FRMD5: variants seen among roughly 807,000 people sequenced by gnomAD.
FRMD5 encodes FERM domain-containing protein 5.
FRMD5 carries 20 observed loss-of-function variants against 69.0 expected under a neutral mutation model. The observed-to-expected ratio is 0.29, with a 90% CI of 0.20 to 0.42. The LOEUF is 0.42. Ranked by LOEUF, FRMD5 falls within the 10% of genes least tolerant of loss-of-function variation. The pLI is 1.00. For synonymous variants in FRMD5, 271 were observed against 260.1 expected, an observed-to-expected ratio of 1.04 and a Z score of -0.40; for missense variants, 595 against 708.6, an observed-to-expected ratio of 0.84 and a Z score of 1.82.
chr15:44,005,048 C>T (rs1890375256), intron 1 of FRMD5, among the ~76,000 whole-genome samples: 1 of 152,222 alleles, frequency 6.6e-6, no homozygotes, highest in African/African-American at 2.4e-5. Flanking sequence ...AAATCCAGAG[C>T]AAGGCCTTAC....
At chr15:43,976,975 T>C (rs938679950) in intron 1 of FRMD5, among the ~76,000 whole-genome samples, 8 of 152,020 alleles carry the variant, frequency 5.3e-5, no homozygotes, top group African/African-American at 1.9e-4. Context: ...GGATTACAGG[T>C]GCATGCCACC....
intron 1 of FRMD5, among the ~76,000 whole-genome samples, chr15:44,009,093 T>G (rs8033798): frequency 0.013 from 1,996 of 152,324 alleles, 53 homozygotes; most frequent in African/African-American, 0.046. Flanking sequence ...TCCCATCATC[T>G]TATCTTAGTT....
intron 1 of FRMD5, among the ~76,000 whole-genome samples, chr15:44,155,663 G>A (rs978397677): frequency 1.3e-5 from 2 of 151,354 alleles, no homozygotes; most frequent in East Asian, 2.0e-4. Flanking sequence ...GCACCATCTC[G>A]GCTCACTGCA....
At chr15:43,961,113 G>A (rs1046159339) in intron 1 of FRMD5, among the ~76,000 whole-genome samples, 1 of 152,068 alleles carries the variant, frequency 6.6e-6, no homozygotes, top group Admixed American at 6.5e-5. Flanking sequence ...ATGAATCCAG[G>A]AGCTGGTTTT....
intron 1 of FRMD5, among the ~76,000 whole-genome samples, chr15:44,106,118 C>T (rs918667143): frequency 4.6e-5 from 7 of 151,936 alleles, no homozygotes; most frequent in South Asian, 2.1e-4. Context: ...CATGGCTGTA[C>T]GATGTTTTAA....
intron 1 of FRMD5, among the ~76,000 whole-genome samples, chr15:43,924,601 A>G (rs1359516830): frequency 1.3e-5 from 2 of 152,134 alleles, no homozygotes; most frequent in East Asian, 3.9e-4. Flanking sequence ...GCTTTCTTAA[A>G]CTGTGGGTGT....
At chr15:44,086,006 T>C (rs1894183342) in intron 1 of FRMD5, among the ~76,000 whole-genome samples, 1 of 152,136 alleles carries the variant, frequency 6.6e-6, no homozygotes. Flanking sequence ...TATTATCTCC[T>C]GTCATATTCA....
intron 1 of FRMD5, among the ~76,000 whole-genome samples, chr15:44,087,825 TA>T: frequency 6.6e-6 from 1 of 152,074 alleles, no homozygotes; most frequent in African/African-American, 2.4e-5. Flanking sequence ...CATTTAGGAA[TA>T]AAATTTGGTG....
At chr15:43,971,504 C>A (rs192424400) in intron 1 of FRMD5, among the ~76,000 whole-genome samples, 1 of 150,234 alleles carries the variant, frequency 6.7e-6, no homozygotes, top group African/African-American at 2.4e-5. Context: ...ATCAAGATGG[C>A]GAAACCCCAT....
intron 1 of FRMD5, among the ~76,000 whole-genome samples, chr15:44,172,179 C>G (rs2140532240): frequency 6.6e-6 from 1 of 152,130 alleles, no homozygotes; most frequent in Non-Finnish European, 1.5e-5. Context: ...CAGCCTCGAC[C>G]TCCTGGGCTC....
chr15:43,873,900 C>T lies in FRMD5; in HGVS notation c.1698G>A (p.Leu566=), dbSNP rs753488164. The T allele has an allele frequency of 1.9e-6, 3 of 1,613,876 alleles. No individual in the cohort carries two copies. The highest frequency in any genetic ancestry group is 1.7e-5 in the Admixed American group (1 of 60,024). ...FACKIRSVVS[L]LIDT is the part of the protein sequence containing the mutation. The stretch of plus-strand genomic sequence containing the variant: ...TCATGCCTTCTCAGGTGTCAATGAG[C>T]AGGCTCACCACTGAGCGGATTTTGC... The change falls in exon 14 of 14, where the codon CTG becomes CTA. Residue 566 remains leucine (L), a synonymous_variant. Transcript: ENST00000417257.
intron 1 of FRMD5, among the ~76,000 whole-genome samples, chr15:44,105,060 A>G (rs1416330722): frequency 6.6e-6 from 1 of 151,030 alleles, no homozygotes; most frequent in African/African-American, 2.4e-5. Flanking sequence ...ATGGTAGTAA[A>G]GAGCCTATAT....
intron 1 of FRMD5, among the ~76,000 whole-genome samples, chr15:44,148,985 C>T (rs1260932891): frequency 6.6e-6 from 1 of 152,006 alleles, no homozygotes; most frequent in Admixed American, 6.6e-5. Context: ...AATTATTAGT[C>T]TAAAAACTAA....
intron 1 of FRMD5, among the ~76,000 whole-genome samples, chr15:44,092,612 A>G (rs1395547208): frequency 6.6e-6 from 1 of 152,182 alleles, no homozygotes; most frequent in African/African-American, 2.4e-5. Context: ...ATAGGATATG[A>G]GCTAAGTGAT....
At chr15:44,002,468 G>GCTTT (rs2140178538) in intron 1 of FRMD5, among the ~76,000 whole-genome samples, 1 of 152,192 alleles carries the variant, frequency 6.6e-6, no homozygotes, top group African/African-American at 2.4e-5. Flanking sequence ...AAAGGAAAGG[G>GCTTT]CTTTACTCAG....
chr15:43,946,360 T>C (rs1406067498), intron 1 of FRMD5, among the ~76,000 whole-genome samples: 2 of 152,240 alleles, frequency 1.3e-5, no homozygotes, highest in Admixed American at 6.5e-5. Flanking sequence ...TATATACGCA[T>C]GTACACGAGG....
At chr15:43,944,581 C>T (rs758002500) in intron 1 of FRMD5, among the ~76,000 whole-genome samples, 2 of 151,588 alleles carry the variant, frequency 1.3e-5, no homozygotes, top group Non-Finnish European at 2.9e-5. Flanking sequence ...AGGTGTGAGC[C>T]GCCACGACCA....
chr15:43,971,959 T>C (rs2090386932), intron 1 of FRMD5, among the ~76,000 whole-genome samples: 1 of 151,064 alleles, frequency 6.6e-6, no homozygotes, highest in Non-Finnish European at 1.5e-5. Flanking sequence ...GGCTCATGCC[T>C]ATAATCCCAG....
At chr15:43,904,074 C>T (rs1156665656) in intron 6 of FRMD5, among the ~76,000 whole-genome samples, 1 of 152,018 alleles carries the variant, frequency 6.6e-6, no homozygotes, top group Non-Finnish European at 1.5e-5. Context: ...TGTTCGGTGT[C>T]GCCATTCCGC....
Sources: allele counts gnomAD v4.1 joint callset (sites outside exome capture counted in the v4.1 genomes callset), GRCh38; gene constraint gnomAD v4.1.1; transcripts MANE v1.5; gene names NCBI Gene and HGNC (gene_info 2026-07-23, HGNC 2026-07-21).